SORCS1: variants seen among roughly 807,000 people sequenced by gnomAD.
The protein encoded by SORCS1 is VPS10 domain-containing receptor SorCS1.
SORCS1 carries 60 observed loss-of-function variants against 146.1 expected under a neutral mutation model. That is an observed-to-expected ratio of 0.41 (90% CI 0.33 to 0.51). SORCS1 has a LOEUF of 0.51. Ranked by LOEUF, SORCS1 falls within the 20% of genes least tolerant of loss-of-function variation. SORCS1 has a pLI of 0.21. For synonymous variants in SORCS1, 637 were observed against 584.0 expected (o/e 1.09, Z -1.31); for missense variants, 1,352 against 1,487.6 (o/e 0.91, Z 1.50).
chr10:107,169,935 G>C, the SORCS1 span, among the ~76,000 whole-genome samples: 497 of 152,194 alleles, frequency 3.3e-3, 3 homozygotes, highest in African/African-American at 0.012. Flanking sequence ...AGTAGGAAAA[G>C]AGAAGCATGA....
rs1174882240 is a variant in SORCS1, at chr10:107,164,377, G to A, written c.150C>T (p.Ala50=). Residue 50 remains alanine (A), a synonymous_variant, in exon 1 of 26, where the codon GCC becomes GCT. Coordinates refer to ENST00000263054, the MANE Select transcript of SORCS1 (RefSeq NM_052918.5). This position sits in a 1 kb window ranked among gnomAD's most constrained non-coding sequence, Gnocchi z 6.8. ...GGTGGGAAAAGCCCCTAGGGGTCGA[G>A]GCCGAGCGTGGAGCGGAGCTGGGGT... ...SPHPSSAPRS[A]STPRGFSHQG... is the part of the protein sequence containing the mutation. 2.0e-6 allele frequency: 3 copies of A among 1,467,346 alleles called. No individual in the cohort carries two copies. The highest frequency in any genetic ancestry group is 2.5e-5 in the Admixed American group (1 of 39,520). The allele number at this position is 1,467,346 out of a possible 1,614,324, so 90.9% of individuals were successfully genotyped here.
At position 106,780,215 on chromosome 10, in the gene SORCS1, T is replaced by C. The variant is rs139774228; in HGVS notation, c.727-3523A>G. ...TCTCACAAGATTTTCTGCTCAGAAA[T>C]ATTTTCAAAATAGTAAGTTCAAATT... On this transcript the variant is annotated intron_variant, in intron 3 of 25. Coordinates refer to ENST00000263054, the MANE Select transcript of SORCS1 (RefSeq NM_052918.5). Among the ~76,000 whole-genome samples, 88 of 152,332 alleles carry C rather than the reference T, an allele frequency of 5.8e-4. 1 individual carries two copies. The East Asian group carries it at 0.016, about 28-fold the overall frequency.
chr10:106,713,385 C>T (rs1189749042), intron 6 of SORCS1, among the ~76,000 whole-genome samples: 4 of 152,200 alleles, frequency 2.6e-5, no homozygotes, highest in Non-Finnish European at 4.4e-5. Context: ...CTAATGAGGA[C>T]TTGATGCATA....
chr10:106,697,897 A>G (rs1853828774), intron 9 of SORCS1, among the ~76,000 whole-genome samples: 1 of 152,248 alleles, frequency 6.6e-6, no homozygotes, highest in South Asian at 2.1e-4. Flanking sequence ...AAATCATCAC[A>G]ATATGTAAAT....
At position 106,943,002 on chromosome 10, in the gene SORCS1, C is replaced by G. The variant is rs371421181; in HGVS notation, c.626+13511G>C. Among the ~76,000 whole-genome samples, 146 of 152,292 alleles carry G rather than the reference C, an allele frequency of 9.6e-4. 1 individual carries two copies. Among genetic ancestry groups the G allele is most frequent in the African/African-American group, 3.1e-3 (128 of 41,564 alleles). On this transcript the variant is annotated intron_variant, in intron 2 of 25. Coordinates refer to ENST00000263054, the MANE Select transcript of SORCS1 (RefSeq NM_052918.5). ...CCTTCACAGCTCCTTCTTGAGAGAG[C>G]TGTCTTCATATCCTGTCCCTATTCC...
At chr10:107,124,976 T>C (rs1335459033) in intron 1 of SORCS1, among the ~76,000 whole-genome samples, 1 of 141,258 alleles carries the variant, frequency 7.1e-6, no homozygotes, top group Non-Finnish European at 1.5e-5. Flanking sequence ...TTTTTTGAGA[T>C]GGAGTCTTGC....
chr10:106,998,556 G>T (rs1235565579), intron 1 of SORCS1, among the ~76,000 whole-genome samples: 2 of 152,156 alleles, frequency 1.3e-5, no homozygotes, highest in Non-Finnish European at 2.9e-5. Context: ...CTGACAACTT[G>T]ACCTGGAACA....
At chr10:107,163,658 T>C (rs1201062841) in intron 1 of SORCS1, among the ~76,000 whole-genome samples, 1 of 152,206 alleles carries the variant, frequency 6.6e-6, no homozygotes. Flanking sequence ...TTAGGAGAAC[T>C]TTAACCCCTC....
intron 1 of SORCS1, among the ~76,000 whole-genome samples, chr10:106,983,835 C>T (rs1053086716): frequency 3.9e-5 from 6 of 152,094 alleles, no homozygotes; most frequent in Admixed American, 2.6e-4. Flanking sequence ...TCACCTAAAC[C>T]GTAGCAATTG....
chr10:107,009,748 A>G (rs1445620293), intron 1 of SORCS1, among the ~76,000 whole-genome samples: 2 of 152,244 alleles, frequency 1.3e-5, no homozygotes, highest in Non-Finnish European at 2.9e-5. Context: ...TCTGACGAAA[A>G]TGTTAGACTT....
chr10:106,913,648 ACTC>A (rs1207636064), intron 2 of SORCS1, among the ~76,000 whole-genome samples: 1 of 152,152 alleles, frequency 6.6e-6, no homozygotes, highest in African/African-American at 2.4e-5. Context: ...TATTGCTTCA[ACTC>A]CTGCTGAGCT....
intron 7 of SORCS1, 26 bp from the exon 8 acceptor site, chr10:106,706,660 G>A: frequency 6.2e-7 from 1 of 1,610,480 alleles, no homozygotes; most frequent in Non-Finnish European, 8.5e-7. Context: ...AAGACTGTAA[G>A]AAGCTCGAGC....
At chr10:107,110,816 C>G (rs924890173) in intron 1 of SORCS1, among the ~76,000 whole-genome samples, 3 of 152,130 alleles carry the variant, frequency 2.0e-5, no homozygotes, top group Non-Finnish European at 1.5e-5. Flanking sequence ...GAAGTCACTC[C>G]CAGTTGTGCA....
intron 19 of SORCS1, among the ~76,000 whole-genome samples, chr10:106,628,702 T>C (rs1413462986): frequency 6.6e-6 from 1 of 152,140 alleles, no homozygotes; most frequent in Non-Finnish European, 1.5e-5. Context: ...CATCCACAGA[T>C]AGAAGCCCAG....
At chr10:106,936,499 C>T (rs1391871199) in intron 2 of SORCS1, among the ~76,000 whole-genome samples, 1 of 152,170 alleles carries the variant, frequency 6.6e-6, no homozygotes, top group Non-Finnish European at 1.5e-5. Flanking sequence ...ATGTATGGAA[C>T]ATGCCACTAA....
intron 6 of SORCS1, among the ~76,000 whole-genome samples, chr10:106,713,817 T>C (rs1239827827): frequency 6.6e-6 from 1 of 152,156 alleles, no homozygotes; most frequent in African/African-American, 2.4e-5. Context: ...TTTTGTTAAG[T>C]ATATTTTGGC....
intron 21 of SORCS1, among the ~76,000 whole-genome samples, chr10:106,613,443 G>T (rs1450576799): frequency 6.6e-6 from 1 of 152,158 alleles, no homozygotes; most frequent in African/African-American, 2.4e-5. Flanking sequence ...AAAGTCGCTG[G>T]CAGAGGAGTC....
intron 2 of SORCS1, among the ~76,000 whole-genome samples, chr10:106,904,918 T>C (rs1474831662): frequency 1.3e-5 from 2 of 152,140 alleles, no homozygotes; most frequent in Admixed American, 6.6e-5. Context: ...CAAAAACTAT[T>C]GAAAGAGGAA....
Position 106,588,601 on chromosome 10 carries a change from G to C in SORCS1, c.3265+8750C>G, listed in dbSNP as rs865952408. Among the ~76,000 whole-genome samples, 53 of 151,788 alleles carry C rather than the reference G, an allele frequency of 3.5e-4. No individual in the cohort carries two copies. In the Middle Eastern group the frequency reaches 0.014, roughly 39 times the overall value. ...CTGGGGCCGGGCGCGGTGGCTCATG[G>C]CTGTAATCCCAGCACTTTGGGAGGC... On this transcript the variant is annotated intron_variant, in intron 24 of 25. Coordinates refer to ENST00000263054, the MANE Select transcript of SORCS1 (RefSeq NM_052918.5).
Sources: allele counts gnomAD v4.1 joint callset (sites outside exome capture counted in the v4.1 genomes callset), GRCh38; gene constraint gnomAD v4.1.1; non-coding constraint Gnocchi (gnomAD v3.1); transcripts MANE v1.5; gene names NCBI Gene and HGNC (gene_info 2026-07-23, HGNC 2026-07-21).